Variants in ASAP2 observed in about 807,000 individuals in gnomAD.
ASAP2 encodes ArfGAP with SH3 domain, ankyrin repeat and PH domain 2.
Under a neutral mutation model 131.4 loss-of-function variants are expected in ASAP2, and 45 were observed. The observed-to-expected ratio is 0.34, with a 90% CI of 0.27 to 0.44. The LOEUF (loss-of-function observed/expected upper bound fraction) is 0.44. ASAP2 is among the 20% of genes least tolerant of loss of function. The pLI is 1.00. For synonymous variants in ASAP2, 510 were observed against 503.0 expected, an observed-to-expected ratio of 1.01 and a Z score of -0.19; for missense variants, 1,011 against 1,297.0, an observed-to-expected ratio of 0.78 and a Z score of 3.39.
intron 1 of ASAP2, among the ~76,000 whole-genome samples, chr2:9,225,914 C>T (rs1662730826): frequency 6.6e-6 from 1 of 152,246 alleles, no homozygotes; most frequent in Non-Finnish European, 1.5e-5. Flanking sequence ...TTCCCCCTTC[C>T]CTTCCTCCTT....
At chr2:9,214,771 G>A (rs1661880013) in intron 1 of ASAP2, among the ~76,000 whole-genome samples, 1 of 140,486 alleles carries the variant, frequency 7.1e-6, no homozygotes, top group Non-Finnish European at 1.5e-5. Context: ...GGATGGCCTG[G>A]ACGTCTAAAA....
At chr2:9,375,340 A>G (rs992783411) in intron 17 of ASAP2, among the ~76,000 whole-genome samples, 1 of 152,106 alleles carries the variant, frequency 6.6e-6, no homozygotes, top group Admixed American at 6.5e-5. Context: ...AGTACTGACC[A>G]AAGCTGGGTA....
intron 1 of ASAP2, among the ~76,000 whole-genome samples, chr2:9,242,853 G>A (rs1490522961): frequency 6.6e-6 from 1 of 152,132 alleles, no homozygotes; most frequent in Non-Finnish European, 1.5e-5. Flanking sequence ...ACTATTACAC[G>A]TGTTCAGACC....
chr2:9,242,672 G>A (rs774103313), intron 1 of ASAP2, among the ~76,000 whole-genome samples: 6 of 152,212 alleles, frequency 3.9e-5, no homozygotes, highest in Non-Finnish European at 5.9e-5. Flanking sequence ...CCTCAGGATG[G>A]ATTCAAGGAG....
At chr2:9,221,344 C>T (rs1386556411) in intron 1 of ASAP2, among the ~76,000 whole-genome samples, 5 of 128,772 alleles carry the variant, frequency 3.9e-5, no homozygotes, top group Admixed American at 1.7e-4. Flanking sequence ...TTTTTTGAGA[C>T]GGAATTTTCC....
chr2:9,380,862 C>G, intron 20 of ASAP2, 54 bp downstream of exon 20: 1 of 1,546,202 alleles, frequency 6.5e-7, no homozygotes, highest in South Asian at 1.1e-5. Context: ...GACAGGGAGC[C>G]AAGCCTGTCC....
intron 3 of ASAP2, among the ~76,000 whole-genome samples, chr2:9,317,401 A>AAC (rs946907149): frequency 1.4e-5 from 2 of 141,952 alleles, no homozygotes; most frequent in Non-Finnish European, 3.1e-5. Context: ...CACACCCTCA[A>AAC]ACACACACAT....
chr2:9,374,664 C>T (rs1674247864), intron 16 of ASAP2, 91 bp from the exon 17 acceptor site: 2 of 1,274,384 alleles, frequency 1.6e-6, no homozygotes, highest in East Asian at 5.0e-5. Context: ...GGACATGGCG[C>T]AGGAACCGTT....
chr2:9,358,286 T>A (rs1257758300), intron 14 of ASAP2, among the ~76,000 whole-genome samples: 1 of 152,232 alleles, frequency 6.6e-6, no homozygotes, highest in African/African-American at 2.4e-5. Flanking sequence ...ACACAGCATA[T>A]CTTATGTACA....
intron 1 of ASAP2, among the ~76,000 whole-genome samples, chr2:9,264,835 C>A (rs140132196): frequency 1.3e-3 from 195 of 152,264 alleles, no homozygotes; most frequent in African/African-American, 4.4e-3. Context: ...ACTAATACAG[C>A]AATTTAAAAA....
At chr2:9,229,117 A>G (rs574409147) in intron 1 of ASAP2, among the ~76,000 whole-genome samples, 1 of 152,106 alleles carries the variant, frequency 6.6e-6, no homozygotes, top group Non-Finnish European at 1.5e-5. Flanking sequence ...GAGTTTTAGT[A>G]CAGATGTACT....
chr2:9,361,223 T>G (rs1352711826), intron 15 of ASAP2, among the ~76,000 whole-genome samples: 2 of 152,194 alleles, frequency 1.3e-5, no homozygotes, highest in Non-Finnish European at 2.9e-5. Context: ...TTTTAAACTC[T>G]CCCTTACCCA....
intron 6 of ASAP2, among the ~76,000 whole-genome samples, chr2:9,325,342 G>A (rs1670412970): frequency 6.6e-6 from 1 of 152,070 alleles, no homozygotes. Context: ...ACAAAGTATT[G>A]GTTTTTGTTT....
At chr2:9,308,705 A>G (rs777013117) in intron 3 of ASAP2, among the ~76,000 whole-genome samples, 6 of 152,022 alleles carry the variant, frequency 3.9e-5, no homozygotes, top group Non-Finnish European at 7.4e-5. Flanking sequence ...TGAGAGGAAG[A>G]GCTCTGGCTT....
intron 21 of ASAP2, among the ~76,000 whole-genome samples, chr2:9,385,574 A>G (rs951159321): frequency 6.6e-6 from 1 of 152,080 alleles, no homozygotes; most frequent in Non-Finnish European, 1.5e-5. Flanking sequence ...AGGAATGGCT[A>G]ATTATGTACT....
At chr2:9,351,539 C>T (rs1672332312) in intron 12 of ASAP2, among the ~76,000 whole-genome samples, 1 of 152,060 alleles carries the variant, frequency 6.6e-6, no homozygotes, top group Non-Finnish European at 1.5e-5. Flanking sequence ...GGGTTAGAGT[C>T]TAGGGGAAGA....
chr2:9,401,450 C>T (rs1572648677), intron 27 of ASAP2, 54 bp downstream of exon 27: 2 of 1,594,778 alleles, frequency 1.3e-6, no homozygotes, highest in East Asian at 2.2e-5. Flanking sequence ...CGTCCCTGCC[C>T]ACCTGGCTGG....
At chr2:9,256,160 T>C (rs1448961019) in intron 1 of ASAP2, among the ~76,000 whole-genome samples, 2 of 106,328 alleles carry the variant, frequency 1.9e-5, no homozygotes, top group African/African-American at 9.0e-5. Flanking sequence ...TAGGGTCCCC[T>C]GCAAAAAAAA....
intron 1 of ASAP2, among the ~76,000 whole-genome samples, chr2:9,210,386 G>A (rs1160826736): frequency 1.3e-5 from 2 of 151,488 alleles, no homozygotes; most frequent in African/African-American, 4.9e-5. Flanking sequence ...ATAGTACATA[G>A]CACAGAAGCT....
Sources: gnomAD v4.1 joint callset for allele counts (sites outside exome capture counted in the v4.1 genomes callset) on GRCh38, gnomAD v4.1.1 for gene constraint, MANE v1.5 for transcripts, NCBI Gene and HGNC (gene_info 2026-07-23, HGNC 2026-07-21) for gene names.